Variants in DCC observed in about 807,000 individuals in gnomAD.
The protein encoded by DCC is DCC netrin 1 receptor, also known as netrin receptor DCC.
A neutral mutation model predicts 172.5 loss-of-function variants in DCC; 58 were observed. The ratio of observed to expected loss-of-function variants is 0.34; its 90% confidence interval spans 0.27 to 0.42. DCC has a LOEUF of 0.42. Ranked by LOEUF, DCC falls within the 10% of genes least tolerant of loss-of-function variation. The pLI, the probability that DCC is intolerant of heterozygous loss-of-function variation, is 1.00. For synonymous variants in DCC, 709 were observed against 644.5 expected (o/e 1.10, Z -1.52); for missense variants, 1,740 against 1,791.0 (o/e 0.97, Z 0.51).
chr18:52,504,564 T>A (rs2144634286), intron 1 of DCC, among the ~76,000 whole-genome samples: 1 of 152,298 alleles, frequency 6.6e-6, no homozygotes, highest in South Asian at 2.1e-4. Flanking sequence ...CATATTGGCT[T>A]GGTTGGGATC....
At chr18:52,780,140 C>A (rs78835166) in intron 2 of DCC, among the ~76,000 whole-genome samples, 8,032 of 152,076 alleles carry the variant, frequency 0.053, 284 homozygotes, top group South Asian at 0.16. Flanking sequence ...TCTAGTACAT[C>A]ATATTTATTT....
At chr18:52,427,448 A>G (rs1462077405) in intron 1 of DCC, among the ~76,000 whole-genome samples, 1 of 152,112 alleles carries the variant, frequency 6.6e-6, no homozygotes, top group Non-Finnish European at 1.5e-5. Context: ...AAGAAAGTTG[A>G]AATTCAGATT....
At chr18:53,270,920 A>C (rs1345838782) in intron 12 of DCC, among the ~76,000 whole-genome samples, 3 of 152,186 alleles carry the variant, frequency 2.0e-5, no homozygotes, top group Non-Finnish European at 4.4e-5. Context: ...TATTAAAAGT[A>C]CATTCAACTG....
chr18:53,150,878 G>A (rs912075901), intron 7 of DCC, among the ~76,000 whole-genome samples: 11 of 152,208 alleles, frequency 7.2e-5, no homozygotes, highest in Non-Finnish European at 1.5e-4. Flanking sequence ...CACTCTCAGA[G>A]ACCCTCAACT....
At chr18:52,969,975 T>A (rs973554709) in intron 5 of DCC, among the ~76,000 whole-genome samples, 1 of 152,100 alleles carries the variant, frequency 6.6e-6, no homozygotes, top group African/African-American at 2.4e-5. Flanking sequence ...ACATTCAAAG[T>A]ACAATGATAA....
intron 5 of DCC, chr18:52,931,703 C>T (rs1027095017): frequency 6.6e-6 from 1 of 151,930 alleles, no homozygotes; most frequent in African/African-American, 2.4e-5. Context: ...TTAATGACAA[C>T]CTTATTTACA....
chr18:53,152,962 G>A (rs1207821766), intron 7 of DCC, among the ~76,000 whole-genome samples: 2 of 152,156 alleles, frequency 1.3e-5, no homozygotes, highest in African/African-American at 4.8e-5. Flanking sequence ...AGCTCTGTGA[G>A]AAGACACTCC....
intron 12 of DCC, among the ~76,000 whole-genome samples, chr18:53,291,168 GAAAAAA>G (rs906236372): frequency 7.0e-6 from 1 of 143,116 alleles, no homozygotes; most frequent in Non-Finnish European, 1.5e-5. Flanking sequence ...ACTGCATTTC[GAAAAAA>G]AAAAGAAAAA....
intron 1 of DCC, among the ~76,000 whole-genome samples, chr18:52,482,314 C>T (rs28437279): frequency 4.8e-4 from 73 of 152,184 alleles, no homozygotes; most frequent in African/African-American, 1.6e-3. Context: ...AGTACCTCAC[C>T]CCAAATTATT....
chr18:53,305,647 C>T lies in DCC; in HGVS notation c.1981C>T (p.Arg661Ter). ...QNGFITGYKI[R>*]HRKTTRRGEM... ...TGGATTTATTACCGGCTATAAAATT[C>T]GACACAGAAAGACGACCCGCAGGGG... The change falls in exon 13 of 29, where the codon CGA (arginine) becomes TGA (stop). Residue 661 changes from arginine to a stop codon, truncating the protein, a stop_gained. Transcript: ENST00000442544. LOFTEE classifies it high-confidence loss of function. 3 of 1,613,780 alleles carry T rather than the reference C, an allele frequency of 1.9e-6. No homozygotes were observed. The highest frequency in any genetic ancestry group is 2.2e-5 in the East Asian group (1 of 44,872).
At chr18:52,546,733 C>T (rs1008407348) in intron 1 of DCC, among the ~76,000 whole-genome samples, 12 of 152,012 alleles carry the variant, frequency 7.9e-5, no homozygotes, top group African/African-American at 2.4e-4. Flanking sequence ...CCAGGTATCT[C>T]GAGACCTTGT....
chr18:53,042,263 CAT>C (rs567933142), intron 5 of DCC, among the ~76,000 whole-genome samples: 2 of 152,054 alleles, frequency 1.3e-5, no homozygotes, highest in South Asian at 4.2e-4. Flanking sequence ...TTGAGATAAT[CAT>C]GTGGTTTTTG....
chr18:52,850,702 T>C lies in DCC; in HGVS notation c.413-55342T>C, dbSNP rs371405519. On this transcript the variant is annotated intron_variant, in intron 2 of 28. Transcript: ENST00000442544. ...TACACATTCACCCCCCAGTAATTTT[T>C]ATAATGATTTCACCAAAGAACTTGA... 2.6e-5 allele frequency among the ~76,000 whole-genome samples: 4 copies of C among 152,232 alleles called. No individual in the cohort carries two copies. The East Asian group carries it at 7.7e-4, about 29-fold the overall frequency.
intron 2 of DCC, among the ~76,000 whole-genome samples, chr18:52,895,855 G>A (rs534586378): frequency 6.6e-6 from 1 of 151,734 alleles, no homozygotes; most frequent in Non-Finnish European, 1.5e-5. Flanking sequence ...CGCAATCTTG[G>A]CTTATGGCAA....
rs569341085 is a variant in DCC at position 53,398,228 on chromosome 18, C to T, written c.2827+782C>T. Among the ~76,000 whole-genome samples the T allele has an allele frequency of 2.0e-5, 3 of 152,098 alleles. No individual in the cohort carries two copies. The South Asian group carries it at 6.2e-4, about 32-fold the overall frequency. Reference sequence around the variant, plus strand: ...TAAAAAAATGCTAATAAAGCTGTTTCCTGGGTAAGTTGAATTTATCTTTCC... The same window carrying T: ...TAAAAAAATGCTAATAAAGCTGTTTTCTGGGTAAGTTGAATTTATCTTTCC... On this transcript the variant is annotated intron_variant, in intron 18 of 28. Transcript: ENST00000442544.
rs111854128 is a variant in DCC, at chr18:53,098,041, C to T, written c.1261+31875C>T. ...GATGCCTTCTCAGATTACATCAGTA[C>T]CCTAAAATGCCCCTGTTCTCTGACT... On this transcript the variant is annotated intron_variant, in intron 7 of 28. Coordinates refer to ENST00000442544, the MANE Select transcript of DCC (RefSeq NM_005215.4). Among the ~76,000 whole-genome samples, 1,434 of 152,174 alleles carry T rather than the reference C, an allele frequency of 9.4e-3. 31 individuals are homozygous for T. Among genetic ancestry groups the T allele is most frequent in the African/African-American group, 0.032 (1,335 of 41,502 alleles).
At chr18:52,506,320 T>A (rs531936471) in intron 1 of DCC, among the ~76,000 whole-genome samples, 2 of 152,162 alleles carry the variant, frequency 1.3e-5, no homozygotes, top group Admixed American at 1.3e-4. Context: ...GTGAAGCATA[T>A]GATTTATAAT....
intron 5 of DCC, among the ~76,000 whole-genome samples, chr18:52,931,422 A>G (rs1344169913): frequency 1.6e-5 from 2 of 126,008 alleles, no homozygotes; most frequent in Middle Eastern, 4.0e-3. Context: ...CACGCATTTT[A>G]TTAGACTCTT....
chr18:52,619,774 C>T (rs2034447470), intron 1 of DCC, among the ~76,000 whole-genome samples: 1 of 151,982 alleles, frequency 6.6e-6, no homozygotes, highest in Admixed American at 6.6e-5. Flanking sequence ...ATAAAGAATC[C>T]ACGTCAAGAA....
Sources: allele counts gnomAD v4.1 joint callset (sites outside exome capture counted in the v4.1 genomes callset), GRCh38; gene constraint gnomAD v4.1.1; transcripts MANE v1.5; gene names NCBI Gene and HGNC (gene_info 2026-07-23, HGNC 2026-07-21).